TMEM132D: variants seen among roughly 807,000 people sequenced by gnomAD.
TMEM132D encodes the protein transmembrane protein 132D, also known as mature OL transmembrane protein.
In TMEM132D, 21 loss-of-function variants were observed where a neutral mutation model predicts 62.3. The observed-to-expected ratio is 0.34, with a 90% CI of 0.24 to 0.49. The LOEUF (loss-of-function observed/expected upper bound fraction) is 0.49. TMEM132D is among the 20% of genes least tolerant of loss of function. The pLI is 0.99. For synonymous variants in TMEM132D, 621 were observed against 575.6 expected, an observed-to-expected ratio of 1.08 and a Z score of -1.13; for missense variants, 1,346 against 1,402.8, an observed-to-expected ratio of 0.96 and a Z score of 0.65.
intron 3 of TMEM132D, among the ~76,000 whole-genome samples, chr12:129,401,526 G>A (rs756191590): frequency 7.2e-5 from 11 of 152,126 alleles, no homozygotes; most frequent in East Asian, 1.9e-4. Context: ...CTGAGATCAC[G>A]CCACTGCACT....
intron 1 of TMEM132D, among the ~76,000 whole-genome samples, chr12:129,722,272 T>C (rs574139273): frequency 4.6e-5 from 7 of 152,234 alleles, no homozygotes; most frequent in African/African-American, 1.7e-4. Context: ...CCTATCCGGG[T>C]TGGGCCAAGG....
At chr12:129,639,973 A>G (rs1216692940) in intron 2 of TMEM132D, among the ~76,000 whole-genome samples, 3 of 152,204 alleles carry the variant, frequency 2.0e-5, no homozygotes, top group Non-Finnish European at 4.4e-5. Flanking sequence ...ACTGCTATGT[A>G]TCAAATCCCC....
chr12:129,077,912 CAT>C lies in TMEM132D; in HGVS notation c.2115+620_2115+621del, dbSNP rs537421568. The stretch of plus-strand genomic sequence containing the variant: ...AAAAACAACATATATGTACACAACA[CAT>C]AGACACACAACACACATATACATAT... On this transcript the variant is annotated intron_variant, in intron 8 of 8. Transcript: ENST00000422113. 4.0e-3 allele frequency among the ~76,000 whole-genome samples: 612 copies of C among 152,268 alleles called. 2 individuals carry two copies. The highest frequency in any genetic ancestry group is 0.012 in the African/African-American group (502 of 41,556).
At chr12:129,700,801 C>T (rs1048221784) in intron 1 of TMEM132D, 103 bp from the exon 2 acceptor site, 4 of 1,323,086 alleles carry the variant, frequency 3.0e-6, no homozygotes, top group Non-Finnish European at 4.0e-6. Flanking sequence ...ACCCTGTCTT[C>T]GCGCCAATTA....
intron 1 of TMEM132D, among the ~76,000 whole-genome samples, chr12:129,812,662 C>T (rs1327897178): frequency 1.3e-5 from 2 of 151,730 alleles, no homozygotes; most frequent in South Asian, 2.1e-4. Flanking sequence ...TGCTTCTTTT[C>T]GTTGTATTGA....
intron 3 of TMEM132D, among the ~76,000 whole-genome samples, chr12:129,481,595 G>A (rs1319877643): frequency 6.6e-6 from 1 of 152,054 alleles, no homozygotes; most frequent in Admixed American, 6.5e-5. Context: ...TCTTACTAAT[G>A]GTAAAGGAAA....
chr12:129,251,590 A>G (rs1880268675), intron 4 of TMEM132D, among the ~76,000 whole-genome samples: 1 of 152,142 alleles, frequency 6.6e-6, no homozygotes, highest in Non-Finnish European at 1.5e-5. Context: ...TGAAGACTAA[A>G]TAGGTTAGAG....
intron 3 of TMEM132D, among the ~76,000 whole-genome samples, chr12:129,455,067 C>T (rs1354591823): frequency 2.0e-5 from 3 of 152,204 alleles, no homozygotes; most frequent in Admixed American, 6.5e-5. Flanking sequence ...ACCAAAAGCT[C>T]AGAGTGTTCA....
chr12:129,676,859 A>T (rs769385319), intron 2 of TMEM132D, among the ~76,000 whole-genome samples: 2 of 152,068 alleles, frequency 1.3e-5, no homozygotes, highest in Non-Finnish European at 1.5e-5. Context: ...CTATGCATCC[A>T]TGTTTCCATC....
intron 5 of TMEM132D, among the ~76,000 whole-genome samples, chr12:129,160,290 T>G (rs1877365156): frequency 6.6e-6 from 1 of 152,258 alleles, no homozygotes; most frequent in Non-Finnish European, 1.5e-5. Context: ...CCAAGTGGGC[T>G]GGAATAGTTG....
At chr12:129,262,903 A>G (rs888818476) in intron 4 of TMEM132D, 1 of 152,584 alleles carries the variant, frequency 6.6e-6, no homozygotes, top group African/African-American at 2.4e-5. Context: ...ACCCTGTTCA[A>G]TGACCAGGAG....
chr12:129,326,929 C>T (rs1170533971), intron 4 of TMEM132D, among the ~76,000 whole-genome samples: 1 of 151,914 alleles, frequency 6.6e-6, no homozygotes, highest in Non-Finnish European at 1.5e-5. Context: ...AGGAACAGCA[C>T]CGTAAGTCAT....
intron 2 of TMEM132D, among the ~76,000 whole-genome samples, chr12:129,596,662 G>T (rs1878345524): frequency 6.6e-6 from 1 of 151,960 alleles, no homozygotes; most frequent in Non-Finnish European, 1.5e-5. Context: ...TTGTTATATT[G>T]TATAGTTTAG....
chr12:129,337,721 C>T lies in TMEM132D; in HGVS notation c.1212G>A (p.Glu404=). The T allele has an allele frequency of 1.2e-6, 2 of 1,614,234 alleles. No homozygotes were observed. Among genetic ancestry groups the T allele is most frequent in the Non-Finnish European group, 1.7e-6 (2 of 1,180,044 alleles). Residue 404 remains glutamate, a synonymous_variant, in exon 4 of 9, where the codon GAG becomes GAA. Transcript: ENST00000422113. ...AGTCAGACGTGATCTCTCCGGGGTA[C>T]TCGACCTGCCACGTGACCAGCTGTG... The part of the protein sequence containing the change: ...PATQLVTWQV[E]YPGEITSDLG...
chr12:129,519,324 T>C (rs1875779362), intron 3 of TMEM132D, among the ~76,000 whole-genome samples: 1 of 152,200 alleles, frequency 6.6e-6, no homozygotes, highest in African/African-American at 2.4e-5. Context: ...CTATTGGATT[T>C]GTAAAAGATA....
chr12:129,180,253 A>G (rs190518928), intron 5 of TMEM132D, among the ~76,000 whole-genome samples: 8 of 151,590 alleles, frequency 5.3e-5, no homozygotes, highest in African/African-American at 1.7e-4. Flanking sequence ...TCTGCACTTC[A>G]TATTTGTTCT....
At chr12:129,505,064 T>G (rs1237581502) in intron 3 of TMEM132D, among the ~76,000 whole-genome samples, 1 of 152,216 alleles carries the variant, frequency 6.6e-6, no homozygotes, top group Admixed American at 6.5e-5. Flanking sequence ...TATTCCACTG[T>G]GGTCTGAGAG....
At chr12:129,087,153 C>T (rs1223141771) in intron 5 of TMEM132D, among the ~76,000 whole-genome samples, 3 of 152,114 alleles carry the variant, frequency 2.0e-5, no homozygotes, top group African/African-American at 7.2e-5. Flanking sequence ...CTTCCCAGCT[C>T]CTGGAAACCC....
At chr12:129,735,541 T>C (rs1869396239) in intron 1 of TMEM132D, among the ~76,000 whole-genome samples, 1 of 152,046 alleles carries the variant, frequency 6.6e-6, no homozygotes, top group South Asian at 2.1e-4. Flanking sequence ...TAAACATGTA[T>C]GAAAGAACAA....
Sources: gnomAD v4.1 joint callset for allele counts (sites outside exome capture counted in the v4.1 genomes callset) on GRCh38, gnomAD v4.1.1 for gene constraint, MANE v1.5 for transcripts, NCBI Gene and HGNC (gene_info 2026-07-23, HGNC 2026-07-21) for gene names.